The following CPNE7 variants were observed in gnomAD, a reference collection of about 807,000 sequenced individuals.
CPNE7 encodes the protein copine-7.
In CPNE7, 78 loss-of-function variants were observed where a neutral mutation model predicts 66.5. The ratio of observed to expected loss-of-function variants is 1.17; its 90% CI spans 0.98 to 1.42. CPNE7 has a LOEUF of 1.42. Ranked by LOEUF, CPNE7 falls within the 40% of genes most tolerant of loss-of-function variation. The probability of loss-of-function intolerance (pLI) is 0.00; values close to 1 mark genes in which losing one functional copy is unlikely to be tolerated. For synonymous variants in CPNE7, 468 were observed against 336.7 expected (o/e 1.39, Z -4.27); for missense variants, 1,012 against 776.6 (o/e 1.30, Z -3.60).
In CPNE7 at chr16:89,577,740, C is replaced by G; in HGVS notation, c.357+19C>G. 1 of 1,570,466 alleles carries G rather than the reference C, an allele frequency of 6.4e-7. No individual in the cohort carries two copies. On this transcript the variant is annotated intron_variant, in intron 2 of 14. Transcript: ENST00000319518. ...GGGGCAGGTGGGTGCCCCGTCCCCTCGGAGGGAGGAGGACGGTTGGCGTGG... is the reference window on the plus strand; with the variant it reads ...GGGGCAGGTGGGTGCCCCGTCCCCTGGGAGGGAGGAGGACGGTTGGCGTGG...
Position 89,584,117 on chromosome 16 carries a change from C to T in CPNE7, c.507+15C>T, listed in dbSNP as rs370136522. On this transcript the variant is annotated intron_variant, in intron 4 of 14. Transcript: ENST00000319518. The surrounding 1 kb of genome is among the most constrained non-coding windows in gnomAD (Gnocchi z 6.0). The stretch of plus-strand genomic sequence containing the variant: ...TGGACGACAAGGTGAGTGCAGGTGC[C>T]GGGCACGCCTGGCTCAGGCTGAGGT... The T allele has an allele frequency of 7.5e-5, 120 of 1,605,012 alleles. No homozygotes were observed. In the African/African-American group the frequency reaches 9.1e-4, roughly 12 times the overall value.
rs1188691026 is a variant in CPNE7 at position 89,587,472 on chromosome 16, C to T, written c.927+370C>T. On this transcript the variant is annotated intron_variant, in intron 9 of 14. Transcript: ENST00000319518. Reference sequence around the variant, plus strand: ...CCTTTTGCGCAGGCGAGGAAACGGGCTTGGGGTTCAGGAAGCAGCCCCAAG... The same window carrying T: ...CCTTTTGCGCAGGCGAGGAAACGGGTTTGGGGTTCAGGAAGCAGCCCCAAG... The T allele has an allele frequency of 3.6e-5, 16 of 441,034 alleles. No homozygotes were observed. The East Asian group carries it at 5.0e-4, about 14-fold the overall frequency. The allele number at this position is 441,034 out of a possible 1,614,324, so 27.3% of individuals were successfully genotyped here.
At chr16:89,588,503 C>A (rs567343466) in intron 9 of CPNE7, among the ~76,000 whole-genome samples, 172 bp from the exon 10 acceptor site, 1 of 152,134 alleles carries the variant, frequency 6.6e-6, no homozygotes, top group Admixed American at 6.5e-5. Context: ...GGAGACCTCT[C>A]CTGGCCCTGT....
chr16:89,588,195 CCGTGTCACCCG>C (rs374225696), intron 9 of CPNE7, among the ~76,000 whole-genome samples: 2,952 of 23,468 alleles, frequency 0.13, 771 homozygotes, highest in Non-Finnish European at 0.21. Flanking sequence ...TACACGGCCC[CCGTGTCACCCG>C]CGTGTCACCC....
intron 7 of CPNE7, 128 bp from the exon 8 acceptor site, chr16:89,586,542 G>A (rs544652417): frequency 4.3e-6 from 3 of 703,726 alleles, no homozygotes; most frequent in South Asian, 1.7e-5. Context: ...CCCTGCAGCA[G>A]TGCCCTCCCC....
intron 11 of CPNE7, among the ~76,000 whole-genome samples, chr16:89,590,358 C>T (rs1202954092): frequency 6.6e-6 from 1 of 152,068 alleles, no homozygotes; most frequent in East Asian, 1.9e-4. Flanking sequence ...AACCCCATCT[C>T]TACCAAAAAT....
In CPNE7 at chr16:89,586,713, G is replaced by C. The variant is rs376277946; in HGVS notation, c.824G>C (p.Arg275Pro). The change falls in exon 8 of 15, where the codon CGC (arginine) becomes CCC (proline). Residue 275 changes from arginine (R) to proline (P), a missense_variant. By Grantham distance (103) the Arg-to-Pro change is moderately radical. Transcript: ENST00000319518. Reference protein sequence around the residue: ...CVNPKYKQKRRSYKNSGVVVL... With the variant: ...CVNPKYKQKRPSYKNSGVVVL... Reference sequence around the variant, plus strand: ...AACCCCAAATACAAGCAGAAGAGACGCAGTTATAAGAACTCAGGAGTGGTC... The same window carrying C: ...AACCCCAAATACAAGCAGAAGAGACCCAGTTATAAGAACTCAGGAGTGGTC... The C allele has an allele frequency of 3.1e-6, 5 of 1,612,700 alleles. No individual in the cohort carries two copies. The South Asian group carries it at 3.3e-5, about 11-fold the overall frequency.
rs1024575174 is a variant in CPNE7 at position 89,584,261 on chromosome 16, C to G, written c.507+159C>G. On this transcript the variant is annotated intron_variant, in intron 4 of 14. Coordinates refer to ENST00000319518, the MANE Select transcript of CPNE7 (RefSeq NM_153636.3). The surrounding 1 kb of genome is among the most constrained non-coding windows in gnomAD (Gnocchi z 6.0). ...GGCGTGCTGCCGTCACGGTCGCCATCATCACTGTCACCGCCATTAGCTCTC... is the reference window on the plus strand; with the variant it reads ...GGCGTGCTGCCGTCACGGTCGCCATGATCACTGTCACCGCCATTAGCTCTC... Among the ~76,000 whole-genome samples, 79 of 152,332 alleles carry G rather than the reference C, an allele frequency of 5.2e-4. No individual in the cohort carries two copies. Among genetic ancestry groups the G allele is most frequent in the African/African-American group, 1.8e-3 (75 of 41,572 alleles).
At position 89,587,670 on chromosome 16, in the gene CPNE7, G is replaced by C. The variant is rs1306513811; in HGVS notation, c.927+568G>C. On this transcript the variant is annotated intron_variant, in intron 9 of 14. Transcript: ENST00000319518. ...CCGTGTCACCCCCATGTCACCCGCA[G>C]ACCCCGCGTCACCCATAGATACGCA... 482 of 411,194 alleles carry C rather than the reference G, an allele frequency of 1.2e-3. 1 individual carries two copies. Among genetic ancestry groups the C allele is most frequent in the Non-Finnish European group, 1.6e-3 (329 of 200,626 alleles). 25.5% of individuals were successfully genotyped at this position (411,194 alleles called of 1,614,324 possible). A position where few individuals can be genotyped will look rare whatever the true frequency, so the allele number is the denominator to read the frequency against.
chr16:89,582,621 C>T (rs2058973175), intron 2 of CPNE7, among the ~76,000 whole-genome samples: 1 of 152,232 alleles, frequency 6.6e-6, no homozygotes, highest in East Asian at 1.9e-4. Context: ...AGAGAGCCTT[C>T]CCACCCCTTA....
intron 2 of CPNE7, among the ~76,000 whole-genome samples, chr16:89,577,998 T>C (rs529732687): frequency 4.3e-4 from 66 of 152,276 alleles, no homozygotes; most frequent in African/African-American, 1.5e-3. Flanking sequence ...CTGGACATTG[T>C]CCAGAGAGAG....
At chr16:89,582,436 G>C (rs1176631248) in intron 2 of CPNE7, among the ~76,000 whole-genome samples, 1 of 152,232 alleles carries the variant, frequency 6.6e-6, no homozygotes, top group Non-Finnish European at 1.5e-5. Flanking sequence ...AGAAAGGGGA[G>C]GCCACTCCTT....
At position 89,584,338 on chromosome 16, in the gene CPNE7, A is replaced by G. The variant is rs2059002907; in HGVS notation, c.507+236A>G. Among the ~76,000 whole-genome samples the G allele has an allele frequency of 6.6e-6, 1 of 152,164 alleles. No homozygotes were observed. Among genetic ancestry groups the G allele is most frequent in the Admixed American group, 6.5e-5 (1 of 15,294 alleles). On this transcript the variant is annotated intron_variant, in intron 4 of 14. Coordinates refer to ENST00000319518, the MANE Select transcript of CPNE7 (RefSeq NM_153636.3). This position sits in a 1 kb window ranked among gnomAD's most constrained non-coding sequence, Gnocchi z 6.0. ...GCTGGGGCAGCTCCCTCCTGTGGGG[A>G]CCACTCATGACCCTGCTCAGGGATG...
rs950299533 is a variant in CPNE7, at chr16:89,576,182, C to T, written c.174+111C>T. ...GAGGCCAGTGGGGCGCAAGGCGGGG[C>T]CCCCCGGAGCTGGGGCTCAGCTCGG... is the stretch of plus-strand genomic sequence containing the variant. On this transcript the variant is annotated intron_variant, in intron 1 of 14. Transcript: ENST00000319518. 14 of 927,638 alleles carry T rather than the reference C, an allele frequency of 1.5e-5. No individual in the cohort carries two copies. In the South Asian group the frequency reaches 2.5e-4, roughly 17 times the overall value. The allele number at this position is 927,638 out of a possible 1,614,324, so 57.5% of individuals were successfully genotyped here. A position where few individuals can be genotyped will look rare whatever the true frequency, so the allele number is the denominator to read the frequency against.
intron 1 of CPNE7, among the ~76,000 whole-genome samples, chr16:89,576,402 G>A (rs1316726278): frequency 1.3e-5 from 2 of 151,952 alleles, no homozygotes; most frequent in Admixed American, 6.5e-5. Flanking sequence ...CGGGCAGGGG[G>A]CTCGACCAAG....
chr16:89,583,825 G>C, intron 3 of CPNE7, 54 bp downstream of exon 3: 2 of 1,593,018 alleles, frequency 1.3e-6, no homozygotes, highest in South Asian at 1.1e-5. Context: ...GTGGCTCCGA[G>C]GGGTGTTGTG....
Position 89,597,232 on chromosome 16 carries a change from C to T in CPNE7, c.*611C>T, listed in dbSNP as rs773200693. 7.3e-4 allele frequency: 112 copies of T among 152,892 alleles called. No individual in the cohort carries two copies. In the Middle Eastern group the frequency reaches 0.017, roughly 23 times the overall value. The allele number at this position is 152,892 out of a possible 1,614,324, so 9.5% of individuals were successfully genotyped here. A position where few individuals can be genotyped will look rare whatever the true frequency, so the allele number is the denominator to read the frequency against. On this transcript the variant is annotated 3_prime_UTR_variant, in exon 15 of 15. Coordinates refer to ENST00000319518, the MANE Select transcript of CPNE7 (RefSeq NM_153636.3). ...TGGGGCTTCAGGAGTAATAAAGTGT[C>T]ACCCTATCCTTGTAGTTCTCTTGTG...
rs745901170 is a variant in CPNE7 at position 89,585,540 on chromosome 16, C to T, written c.668C>T (p.Thr223Ile). ...SLSSLCSCEE[T>I]RPLKCLVWDY... Reference sequence around the variant, plus strand: ...AGTTCCCTCTGCAGCTGCGAGGAGACAAGGCCTCTAAAGGTGGGGGACGGG... The same window carrying T: ...AGTTCCCTCTGCAGCTGCGAGGAGATAAGGCCTCTAAAGGTGGGGGACGGG... The change falls in exon 6 of 15, where the codon ACA (threonine) becomes ATA (isoleucine). Residue 223 changes from threonine to isoleucine, a missense_variant. Physicochemically the swap from Thr to Ile is moderately conservative, Grantham distance 89. Transcript: ENST00000319518. 1 of 1,610,722 alleles carries T rather than the reference C, an allele frequency of 6.2e-7. No individual in the cohort carries two copies. The highest frequency in any genetic ancestry group is 8.5e-7 in the Non-Finnish European group (1 of 1,178,746).
intron 13 of CPNE7, chr16:89,594,231 TG>T (rs2059217784): frequency 1.5e-5 from 1 of 65,542 alleles, no homozygotes; most frequent in African/African-American, 6.0e-5. Context: ...TGGGAGGGGG[TG>T]GGGGGCTTTC....
Sources: gnomAD v4.1 joint callset for allele counts (sites outside exome capture counted in the v4.1 genomes callset) on GRCh38, gnomAD v4.1.1 for gene constraint, Gnocchi (gnomAD v3.1) non-coding constraint, MANE v1.5 for transcripts, NCBI Gene and HGNC (gene_info 2026-07-23, HGNC 2026-07-21) for gene names.